Variants in ATXN10 observed in about 807,000 individuals in gnomAD.
ATXN10 encodes ataxin 10, also known as ataxin-10.
A neutral mutation model predicts 52.9 loss-of-function variants in ATXN10; 28 were observed. The ratio of observed to expected loss-of-function variants is 0.53; its 90% CI spans 0.39 to 0.73. ATXN10 has a LOEUF of 0.73. Ranked by LOEUF, ATXN10 falls within the 30% of genes least tolerant of loss-of-function variation. The pLI is 0.00. For synonymous variants in ATXN10, 226 were observed against 221.5 expected (o/e 1.02, Z -0.18); for missense variants, 565 against 577.0 (o/e 0.98, Z 0.21).
chr22:45,737,640 T>C (rs1925347139), intron 7 of ATXN10, among the ~76,000 whole-genome samples: 1 of 151,928 alleles, frequency 6.6e-6, no homozygotes, highest in South Asian at 2.1e-4. Flanking sequence ...TAAATACACA[T>C]TTAGAACTAA....
intron 9 of ATXN10, among the ~76,000 whole-genome samples, chr22:45,764,936 A>G (rs183961796): frequency 6.6e-6 from 1 of 152,272 alleles, no homozygotes; most frequent in East Asian, 1.9e-4. Flanking sequence ...CATCTTCAGT[A>G]TATGCTCTTC....
chr22:45,840,047 A>G lies in ATXN10; in HGVS notation c.1238-2944A>G, dbSNP rs1929296070. 6.6e-6 allele frequency among the ~76,000 whole-genome samples: 1 copy of G among 152,242 alleles called. No individual in the cohort carries two copies. The highest frequency in any genetic ancestry group is 1.9e-4 in the East Asian group (1 of 5,202). ...TCTTGTTGTGAGGAGTTCACAGTGC[A>G]TTAGAGTATACAGAAATACAAACAA... On this transcript the variant is annotated intron_variant, in intron 10 of 11. Transcript: ENST00000252934. The surrounding 1 kb of genome is among the most constrained non-coding windows in gnomAD (Gnocchi z 5.8).
At chr22:45,801,379 A>G (rs1927926291) in intron 9 of ATXN10, among the ~76,000 whole-genome samples, 1 of 152,130 alleles carries the variant, frequency 6.6e-6, no homozygotes, top group African/African-American at 2.4e-5. Context: ...TGCCCAAGCC[A>G]CTTCTTTTTT....
chr22:45,692,779 C>A (rs1346464860), intron 2 of ATXN10, among the ~76,000 whole-genome samples: 1 of 152,120 alleles, frequency 6.6e-6, no homozygotes, highest in Non-Finnish European at 1.5e-5. Context: ...TCAGGAAGTA[C>A]TCAAAGAAAG....
At position 45,690,077 on chromosome 22, in the gene ATXN10, G is replaced by A. The variant is rs1335082694; in HGVS notation, c.308+174G>A. Among the ~76,000 whole-genome samples, 5 of 151,962 alleles carry A rather than the reference G, an allele frequency of 3.3e-5. No individual in the cohort carries two copies. The highest frequency in any genetic ancestry group is 6.6e-5 in the Admixed American group (1 of 15,254). Reference sequence around the variant, plus strand: ...TGCTTGAGTCCAGGAGTTCAAGACCGGCCTGGGCAACATGGTGAGACCCTG... The same window carrying A: ...TGCTTGAGTCCAGGAGTTCAAGACCAGCCTGGGCAACATGGTGAGACCCTG... On this transcript the variant is annotated intron_variant, in intron 2 of 11. Transcript: ENST00000252934. This position sits in a 1 kb window ranked among gnomAD's most constrained non-coding sequence, Gnocchi z 4.5.
chr22:45,811,406 G>A (rs1160670968), intron 10 of ATXN10, among the ~76,000 whole-genome samples: 1 of 152,080 alleles, frequency 6.6e-6, no homozygotes, highest in African/African-American at 2.4e-5. Context: ...ACAGTCATGT[G>A]CTACATAGTA....
intron 9 of ATXN10, among the ~76,000 whole-genome samples, chr22:45,765,262 C>G (rs1002759525): frequency 6.6e-6 from 1 of 152,028 alleles, no homozygotes; most frequent in African/African-American, 2.4e-5. Flanking sequence ...GGTTGCAGCA[C>G]ATCATCATAG....
chr22:45,739,233 A>G (rs963156362), intron 8 of ATXN10, among the ~76,000 whole-genome samples: 19 of 152,344 alleles, frequency 1.2e-4, no homozygotes, highest in African/African-American at 4.6e-4. Context: ...CATTTAGTGA[A>G]CACATAGAAT....
At chr22:45,720,629 C>A (rs965764780) in intron 6 of ATXN10, among the ~76,000 whole-genome samples, 13 of 152,156 alleles carry the variant, frequency 8.5e-5, no homozygotes, top group African/African-American at 3.1e-4. Flanking sequence ...CAATAAACTA[C>A]AATGAGGTAC....
rs1372759940 is a variant in ATXN10, at chr22:45,712,236, G to A, written c.648-6177G>A. ...CTTGAAGGAAAAAGCTACCAGGTTT[G>A]GGCTCATTCTTGAAGGAAAAAGAAT... On this transcript the variant is annotated intron_variant, in intron 5 of 11. Coordinates refer to ENST00000252934, the MANE Select transcript of ATXN10 (RefSeq NM_013236.4). The surrounding 1 kb of genome is among the most constrained non-coding windows in gnomAD (Gnocchi z 4.6). Among the ~76,000 whole-genome samples the A allele has an allele frequency of 1.3e-5, 2 of 152,046 alleles. No homozygotes were observed. Among genetic ancestry groups the A allele is most frequent in the Non-Finnish European group, 2.9e-5 (2 of 68,004 alleles).
chr22:45,728,022 G>A lies in ATXN10; in HGVS notation c.729-1403G>A, dbSNP rs1448936593. 6.6e-6 allele frequency among the ~76,000 whole-genome samples: 1 copy of A among 151,278 alleles called. No homozygotes were observed. The highest frequency in any genetic ancestry group is 1.5e-5 in the Non-Finnish European group (1 of 67,782). On this transcript the variant is annotated intron_variant, in intron 6 of 11. Coordinates refer to ENST00000252934, the MANE Select transcript of ATXN10 (RefSeq NM_013236.4). The surrounding 1 kb of genome is among the most constrained non-coding windows in gnomAD (Gnocchi z 4.3). Reference sequence around the variant, plus strand: ...TGAAGACAGCAGGTATTTGGTTTGTGATTTTTTTTTTTAATCCATTCTGCC... The same window carrying A: ...TGAAGACAGCAGGTATTTGGTTTGTAATTTTTTTTTTTAATCCATTCTGCC...
At chr22:45,751,806 C>G (rs1313069413) in intron 9 of ATXN10, among the ~76,000 whole-genome samples, 1 of 142,574 alleles carries the variant, frequency 7.0e-6, no homozygotes, top group Non-Finnish European at 1.5e-5. Flanking sequence ...AAATGTCTGT[C>G]CCACATCTAA....
chr22:45,758,418 C>T (rs1014979008), intron 9 of ATXN10, among the ~76,000 whole-genome samples: 6 of 152,218 alleles, frequency 3.9e-5, no homozygotes, highest in Middle Eastern at 3.2e-3. Flanking sequence ...GAGCTATAGC[C>T]ACTGACTTTG....
intron 9 of ATXN10, among the ~76,000 whole-genome samples, chr22:45,768,165 G>T (rs1200856859): frequency 1.3e-5 from 2 of 152,082 alleles, no homozygotes; most frequent in Non-Finnish European, 2.9e-5. Flanking sequence ...TTGAGCCCTG[G>T]TATCATCCAA....
rs575777638 is a variant in ATXN10 at position 45,693,057 on chromosome 22, G to A, written c.370G>A (p.Glu124Lys). ...TCTTCTGTTTCGTGAACTGCGAGTG[G>A]AACAGGAATCTCTGTTGACAGGTAG... ...LILLFRELRVEQESLLTAFRC... is the reference protein window; with the variant it reads ...LILLFRELRVKQESLLTAFRC... Residue 124 changes from glutamate to lysine, a missense_variant, in exon 3 of 12, where the codon GAA becomes AAA. Transcript: ENST00000252934. The A allele has an allele frequency of 2.5e-5, 41 of 1,613,972 alleles. No individual in the cohort carries two copies. The South Asian group carries it at 4.4e-4, about 17-fold the overall frequency.
intron 5 of ATXN10, among the ~76,000 whole-genome samples, chr22:45,707,734 G>C (rs1006900138): frequency 7.9e-5 from 12 of 151,862 alleles, no homozygotes; most frequent in African/African-American, 2.9e-4. Context: ...ACAAAGGATG[G>C]ATCTAGTAGT....
At position 45,805,987 on chromosome 22, in the gene ATXN10, A is replaced by T. The variant is rs1208323106; in HGVS notation, c.1174-972A>T. Among the ~76,000 whole-genome samples the T allele has an allele frequency of 6.6e-6, 1 of 152,202 alleles. No homozygotes were observed. Among genetic ancestry groups the T allele is most frequent in the Non-Finnish European group, 1.5e-5 (1 of 68,036 alleles). The stretch of plus-strand genomic sequence containing the variant: ...AGACCAGCCTGGGCAACATAGTGAG[A>T]CCTCATCTTTACAAAAAAATAAAAT... On this transcript the variant is annotated intron_variant, in intron 9 of 11. Transcript: ENST00000252934. The surrounding 1 kb of genome is among the most constrained non-coding windows in gnomAD (Gnocchi z 4.4).
At chr22:45,721,320 C>T (rs1161624861) in intron 6 of ATXN10, among the ~76,000 whole-genome samples, 13 of 152,032 alleles carry the variant, frequency 8.6e-5, no homozygotes, top group Admixed American at 8.5e-4. Context: ...TCTCTGTGTA[C>T]GGCATAGTAG....
At chr22:45,734,053 C>T (rs1925192771) in intron 7 of ATXN10, among the ~76,000 whole-genome samples, 1 of 152,022 alleles carries the variant, frequency 6.6e-6, no homozygotes, top group African/African-American at 2.4e-5. Context: ...TCCCTATAGA[C>T]TTTCCAGCTG....
Sources: allele counts gnomAD v4.1 joint callset (sites outside exome capture counted in the v4.1 genomes callset), GRCh38; gene constraint gnomAD v4.1.1; non-coding constraint Gnocchi (gnomAD v3.1); transcripts MANE v1.5; gene names NCBI Gene and HGNC (gene_info 2026-07-23, HGNC 2026-07-21).